ZNF385B: variants seen among roughly 807,000 people sequenced by gnomAD.
The protein encoded by ZNF385B is zinc finger protein 385B.
ZNF385B carries 23 observed loss-of-function variants against 39.2 expected under a neutral mutation model. The observed-to-expected ratio is 0.59, with a 90% confidence interval of 0.42 to 0.83. The LOEUF (loss-of-function observed/expected upper bound fraction) is 0.83. Among genes scored for constraint, ZNF385B ranks in the 40% least tolerant of loss-of-function variants. ZNF385B has a pLI of 0.00. For missense variants in ZNF385B, 552 were observed against 598.9 expected (o/e 0.92, Z 0.82); for synonymous variants, 205 against 222.6 (o/e 0.92, Z 0.70).
At chr2:179,774,093 A>G (rs979721650) in intron 1 of ZNF385B, among the ~76,000 whole-genome samples, 1 of 150,870 alleles carries the variant, frequency 6.6e-6, no homozygotes, top group Non-Finnish European at 1.5e-5. Flanking sequence ...GGGGGTGTAT[A>G]GGTGTGGAGT....
chr2:179,804,675 T>C (rs1366452610), intron 1 of ZNF385B, among the ~76,000 whole-genome samples: 1 of 152,186 alleles, frequency 6.6e-6, no homozygotes, highest in Non-Finnish European at 1.5e-5. Flanking sequence ...AAGAAATAAA[T>C]CATTCAAAGA....
intron 3 of ZNF385B, among the ~76,000 whole-genome samples, chr2:179,750,671 T>C (rs1005642508): frequency 1.1e-4 from 16 of 152,242 alleles, no homozygotes; most frequent in African/African-American, 3.6e-4. Flanking sequence ...ATCCAATACA[T>C]GGATTGTATA....
chr2:179,613,609 T>C (rs1367725717), intron 3 of ZNF385B, among the ~76,000 whole-genome samples: 1 of 152,054 alleles, frequency 6.6e-6, no homozygotes, highest in Non-Finnish European at 1.5e-5. Context: ...CCTATCCTAC[T>C]ATGGTGGAGT....
chr2:179,835,052 T>C (rs1422034918), intron 1 of ZNF385B, among the ~76,000 whole-genome samples: 1 of 151,998 alleles, frequency 6.6e-6, no homozygotes, highest in African/African-American at 2.4e-5. Context: ...AACAGAAAAA[T>C]GAGCTATAAA....
chr2:179,457,132 C>G (rs976323644), intron 6 of ZNF385B, among the ~76,000 whole-genome samples: 5 of 152,072 alleles, frequency 3.3e-5, no homozygotes, highest in Non-Finnish European at 5.9e-5. Context: ...GGAAATCACA[C>G]AATATATTTC....
intron 3 of ZNF385B, among the ~76,000 whole-genome samples, chr2:179,577,026 T>G (rs1685906033): frequency 6.6e-6 from 1 of 152,082 alleles, no homozygotes; most frequent in South Asian, 2.1e-4. Context: ...AGATAAGATA[T>G]AAGGAATCCA....
At chr2:179,674,851 TATA>T (rs1369101896) in intron 3 of ZNF385B, among the ~76,000 whole-genome samples, 1 of 152,104 alleles carries the variant, frequency 6.6e-6, no homozygotes, top group Non-Finnish European at 1.5e-5. Flanking sequence ...GAGAAAGCCT[TATA>T]ACCCCCAAAT....
At chr2:179,831,734 G>A (rs1707998341) in intron 1 of ZNF385B, among the ~76,000 whole-genome samples, 1 of 152,128 alleles carries the variant, frequency 6.6e-6, no homozygotes, top group Non-Finnish European at 1.5e-5. Context: ...CAAGTACTGG[G>A]TATTTGGGCA....
intron 1 of ZNF385B, among the ~76,000 whole-genome samples, chr2:179,804,765 A>T (rs528065377): frequency 2.6e-5 from 4 of 152,280 alleles, no homozygotes; most frequent in African/African-American, 9.6e-5. Context: ...CTTATCAACT[A>T]CATCCCTTGT....
intron 3 of ZNF385B, among the ~76,000 whole-genome samples, chr2:179,654,650 G>A (rs903695211): frequency 6.6e-6 from 1 of 152,152 alleles, no homozygotes; most frequent in African/African-American, 2.4e-5. Context: ...ACCTCTTGGG[G>A]ATGGCACTTT....
chr2:179,760,887 T>C (rs1703342295), intron 3 of ZNF385B, among the ~76,000 whole-genome samples: 1 of 152,258 alleles, frequency 6.6e-6, no homozygotes, highest in African/African-American at 2.4e-5. Flanking sequence ...CATTTAAATC[T>C]ATAATTCACT....
At chr2:179,520,668 T>C (rs1266111463) in intron 4 of ZNF385B, among the ~76,000 whole-genome samples, 1 of 152,194 alleles carries the variant, frequency 6.6e-6, no homozygotes, top group Non-Finnish European at 1.5e-5. Flanking sequence ...AAGCCCACTG[T>C]TTTGCAAAGT....
In ZNF385B at chr2:179,446,321, G is replaced by C. The variant is rs1020387972; in HGVS notation, c.961+204C>G. On this transcript the variant is annotated intron_variant, in intron 7 of 9. Transcript: ENST00000410066. ...GATGTTTTTAAGAAAATAAAGAATA[G>C]AACAAGTTTGATCTCCAAACTGCTT... Among the ~76,000 whole-genome samples, 3 of 152,090 alleles carry C rather than the reference G, an allele frequency of 2.0e-5. No homozygotes were observed. The East Asian group carries it at 5.8e-4, about 29-fold the overall frequency.
At chr2:179,725,936 G>GTA (rs1700990294) in intron 3 of ZNF385B, among the ~76,000 whole-genome samples, 1 of 140,322 alleles carries the variant, frequency 7.1e-6, no homozygotes, top group Non-Finnish European at 1.6e-5. Flanking sequence ...ATATATATGT[G>GTA]TATATACAGA....
At chr2:179,747,828 G>A (rs756300506) in intron 3 of ZNF385B, among the ~76,000 whole-genome samples, 40 of 152,146 alleles carry the variant, frequency 2.6e-4, no homozygotes, top group Admixed American at 9.8e-4. Flanking sequence ...CCGCACTGGG[G>A]TCTGGGGCAA....
intron 3 of ZNF385B, among the ~76,000 whole-genome samples, chr2:179,665,089 G>A (rs1301318029): frequency 2.6e-5 from 4 of 152,272 alleles, no homozygotes; most frequent in Middle Eastern, 3.4e-3. Flanking sequence ...CTTCTGGGCC[G>A]TACTGATCCT....
intron 3 of ZNF385B, among the ~76,000 whole-genome samples, chr2:179,675,147 A>G (rs112787991): frequency 0.021 from 3,128 of 152,356 alleles, 112 homozygotes; most frequent in African/African-American, 0.069. Flanking sequence ...TTTATATAGC[A>G]GATGTATTAT....
chr2:179,636,803 T>C (rs1691800013), intron 3 of ZNF385B, among the ~76,000 whole-genome samples: 1 of 152,042 alleles, frequency 6.6e-6, no homozygotes, highest in East Asian at 1.9e-4. Flanking sequence ...TCCTCAGGAG[T>C]CCTCAGTACA....
chr2:179,654,753 T>C (rs1028198210), intron 3 of ZNF385B, among the ~76,000 whole-genome samples: 1 of 152,176 alleles, frequency 6.6e-6, no homozygotes, highest in African/African-American at 2.4e-5. Context: ...TCTTACTGTC[T>C]TAAAAACTCA....
Sources: gnomAD v4.1 joint callset for allele counts (sites outside exome capture counted in the v4.1 genomes callset) on GRCh38, gnomAD v4.1.1 for gene constraint, MANE v1.5 for transcripts, NCBI Gene and HGNC (gene_info 2026-07-23, HGNC 2026-07-21) for gene names.